Variants in RPS6KC1 observed in about 807,000 individuals in gnomAD.
The protein encoded by RPS6KC1 is ribosomal protein S6 kinase C1.
Under a neutral mutation model 103.8 loss-of-function variants are expected in RPS6KC1, and 54 were observed. The observed-to-expected ratio is 0.52, with a 90% CI of 0.42 to 0.65. RPS6KC1 has a LOEUF of 0.65. Among genes scored for constraint, RPS6KC1 ranks in the 30% least tolerant of loss-of-function variants. The pLI is 0.00. For synonymous variants in RPS6KC1, 439 were observed against 438.7 expected, an observed-to-expected ratio of 1.00 and a Z score of -0.01; for missense variants, 1,151 against 1,253.8, an observed-to-expected ratio of 0.92 and a Z score of 1.24.
At chr1:213,678,625 A>T in the RPS6KC1 span, among the ~76,000 whole-genome samples, 2 of 152,186 alleles carry the variant, frequency 1.3e-5, no homozygotes, top group Non-Finnish European at 2.9e-5. Flanking sequence ...TTTTGGTCTG[A>T]CCCAGACATA....
the RPS6KC1 span, among the ~76,000 whole-genome samples, chr1:213,411,704 T>G: frequency 6.6e-6 from 1 of 152,172 alleles, no homozygotes; most frequent in South Asian, 2.1e-4. Flanking sequence ...TGCTGTGGGC[T>G]ATCAGGCTGA....
At chr1:213,142,770 T>C (rs2087226493) in intron 6 of RPS6KC1, among the ~76,000 whole-genome samples, 1 of 152,066 alleles carries the variant, frequency 6.6e-6, no homozygotes, top group Non-Finnish European at 1.5e-5. Flanking sequence ...CGGATGATCG[T>C]TGTCATTTTT....
At chr1:213,550,405 TA>T in the RPS6KC1 span, among the ~76,000 whole-genome samples, 1 of 152,098 alleles carries the variant, frequency 6.6e-6, no homozygotes, top group African/African-American at 2.4e-5. Context: ...CCTCTTTTTT[TA>T]AAGAAAAGTA....
At chr1:213,442,235 A>G in the RPS6KC1 span, among the ~76,000 whole-genome samples, 2 of 152,180 alleles carry the variant, frequency 1.3e-5, no homozygotes, top group African/African-American at 2.4e-5. Context: ...TCCTCTGCTC[A>G]TTATCTATAC....
chr1:213,518,945 A>G, the RPS6KC1 span, among the ~76,000 whole-genome samples: 98,071 of 152,024 alleles, frequency 0.65, 33,877 homozygotes, highest in East Asian at 0.99. Flanking sequence ...CAGAGGGAGA[A>G]GAAGGGAAGG....
the RPS6KC1 span, among the ~76,000 whole-genome samples, chr1:213,541,855 C>T: frequency 2.0e-5 from 3 of 152,164 alleles, no homozygotes; most frequent in Admixed American, 6.5e-5. Flanking sequence ...GAAAGGTTAC[C>T]TTTGAACATG....
the RPS6KC1 span, among the ~76,000 whole-genome samples, chr1:213,323,423 G>A: frequency 6.6e-6 from 1 of 152,172 alleles, no homozygotes; most frequent in Non-Finnish European, 1.5e-5. Flanking sequence ...GTGGATCCTG[G>A]TGATGTATCC....
chr1:213,085,303 T>C (rs2080285390), intron 3 of RPS6KC1, among the ~76,000 whole-genome samples: 1 of 152,174 alleles, frequency 6.6e-6, no homozygotes, highest in South Asian at 2.1e-4. Flanking sequence ...ATAAGGACAC[T>C]TGTGAAGCAT....
chr1:213,369,697 A>C, the RPS6KC1 span, among the ~76,000 whole-genome samples: 1 of 152,246 alleles, frequency 6.6e-6, no homozygotes, highest in African/African-American at 2.4e-5. Context: ...TAACTGGATA[A>C]TTGCCAAATA....
chr1:213,165,951 A>C (rs2090929166), intron 6 of RPS6KC1, among the ~76,000 whole-genome samples: 1 of 152,230 alleles, frequency 6.6e-6, no homozygotes, highest in African/African-American at 2.4e-5. Context: ...GCAGGAGTCC[A>C]TTTCAACTTC....
chr1:213,625,303 G>T, the RPS6KC1 span, among the ~76,000 whole-genome samples: 1 of 152,092 alleles, frequency 6.6e-6, no homozygotes, highest in African/African-American at 2.4e-5. Flanking sequence ...ATGTCTTAGA[G>T]ACTTTGTACT....
the RPS6KC1 span, among the ~76,000 whole-genome samples, chr1:213,857,432 C>T: frequency 2.6e-5 from 4 of 152,206 alleles, no homozygotes; most frequent in Admixed American, 1.3e-4. Context: ...CACACCTTCC[C>T]GTTATTCTCA....
chr1:213,820,545 CAGAG>C, the RPS6KC1 span: 2 of 152,198 alleles, frequency 1.3e-5, no homozygotes, highest in African/African-American at 4.8e-5. Context: ...TGAGCTTTGT[CAGAG>C]AGCCTCTAGA....
the RPS6KC1 span, among the ~76,000 whole-genome samples, chr1:213,803,992 A>G: frequency 2.0e-5 from 3 of 151,792 alleles, no homozygotes; most frequent in East Asian, 5.8e-4. Context: ...GGATAGCATT[A>G]GGAGATACAC....
Position 213,272,702 on chromosome 1 carries a change from C to T in RPS6KC1, c.*68C>T, listed in dbSNP as rs922363172. On this transcript the variant is annotated 3_prime_UTR_variant, in exon 15 of 15. Transcript: ENST00000366960. ...GACAGGCATCTCCAGCACTGAGGCA[C>T]CTCTGACTCACAGTTACTTATGGAG... 2.4e-5 allele frequency: 27 copies of T among 1,139,508 alleles called. No homozygotes were observed. Among genetic ancestry groups the T allele is most frequent in the Non-Finnish European group, 3.0e-5 (23 of 755,438 alleles). 70.6% of individuals were successfully genotyped at this position (1,139,508 alleles called of 1,614,324 possible). A position where few individuals can be genotyped will look rare whatever the true frequency, so the allele number is the denominator to read the frequency against.
chr1:213,844,806 A>G, the RPS6KC1 span, among the ~76,000 whole-genome samples: 1 of 152,166 alleles, frequency 6.6e-6, no homozygotes, highest in Non-Finnish European at 1.5e-5. Context: ...CAAATACACC[A>G]CTAAGTATGG....
chr1:213,374,855 G>A, the RPS6KC1 span, among the ~76,000 whole-genome samples: 2 of 152,200 alleles, frequency 1.3e-5, no homozygotes, highest in Non-Finnish European at 2.9e-5. Flanking sequence ...CTGGGAGGGG[G>A]GCCTTGGCCC....
At chr1:213,818,074 T>A in the RPS6KC1 span, 1 of 152,228 alleles carries the variant, frequency 6.6e-6, no homozygotes, top group Non-Finnish European at 1.5e-5. Context: ...GTGTGTGTTC[T>A]GCCTGCCCCA....
At chr1:213,554,308 T>G in the RPS6KC1 span, among the ~76,000 whole-genome samples, 1 of 152,128 alleles carries the variant, frequency 6.6e-6, no homozygotes, top group African/African-American at 2.4e-5. Flanking sequence ...TGTTATTGTC[T>G]TGTTGAAGAT....
Sources: gnomAD v4.1 joint callset for allele counts (sites outside exome capture counted in the v4.1 genomes callset) on GRCh38, gnomAD v4.1.1 for gene constraint, MANE v1.5 for transcripts, NCBI Gene and HGNC (gene_info 2026-07-23, HGNC 2026-07-21) for gene names.